ANKRD31: variants seen among roughly 807,000 people sequenced by gnomAD.
ANKRD31 encodes ankyrin repeat domain 31, also known as ankyrin repeat domain-containing protein 31.
In ANKRD31, 147 loss-of-function variants were observed where a neutral mutation model predicts 186.0. The ratio of observed to expected loss-of-function variants is 0.79; its 90% CI spans 0.69 to 0.91. ANKRD31 has a LOEUF of 0.91. ANKRD31 is among the 40% of genes least tolerant of loss of function. ANKRD31 has a pLI of 0.00. For missense variants in ANKRD31, 1,986 were observed against 2,148.8 expected, an observed-to-expected ratio of 0.92 and a Z score of 1.50; for synonymous variants, 673 against 736.4, an observed-to-expected ratio of 0.91 and a Z score of 1.39.
At chr5:75,078,382 C>T (rs963389156) in intron 25 of ANKRD31, among the ~76,000 whole-genome samples, 1 of 152,136 alleles carries the variant, frequency 6.6e-6, no homozygotes, top group South Asian at 2.1e-4. Flanking sequence ...AACAGATTAT[C>T]AGTAGGACCG....
At chr5:75,122,586 AC>A (rs965638386) in intron 17 of ANKRD31, among the ~76,000 whole-genome samples, 1 of 152,170 alleles carries the variant, frequency 6.6e-6, no homozygotes, top group Admixed American at 6.5e-5. Context: ...ACACACCATG[AC>A]CAAGTGGGTT....
chr5:75,182,491 G>A (rs1580506113), intron 10 of ANKRD31, among the ~76,000 whole-genome samples: 2 of 152,090 alleles, frequency 1.3e-5, no homozygotes, highest in Non-Finnish European at 2.9e-5. Flanking sequence ...GGCCGAGAAA[G>A]GCAGATCACC....
chr5:75,097,035 A>G (rs941567679), intron 22 of ANKRD31, among the ~76,000 whole-genome samples: 1 of 152,174 alleles, frequency 6.6e-6, no homozygotes, highest in Admixed American at 6.5e-5. Flanking sequence ...TATATGTGCC[A>G]TATTTTCTTA....
chr5:75,072,391 C>T (rs1263100264), intron 25 of ANKRD31, among the ~76,000 whole-genome samples: 1 of 151,844 alleles, frequency 6.6e-6, no homozygotes, highest in Non-Finnish European at 1.5e-5. Flanking sequence ...ATTCCTAATG[C>T]CTAGAATGCA....
intron 24 of ANKRD31, 37 bp downstream of exon 24, chr5:75,084,235 T>C: frequency 6.9e-7 from 1 of 1,443,544 alleles, no homozygotes; most frequent in East Asian, 2.5e-5. Flanking sequence ...TGGTGTTTTA[T>C]CCCACAACGA....
intron 9 of ANKRD31, among the ~76,000 whole-genome samples, chr5:75,190,897 C>A (rs142017147): frequency 2.0e-5 from 3 of 151,850 alleles, no homozygotes; most frequent in South Asian, 2.1e-4. Flanking sequence ...TGCAATTAAA[C>A]CCTTGTCAAA....
chr5:75,121,350 C>T (rs1183523976), intron 17 of ANKRD31, among the ~76,000 whole-genome samples: 1 of 152,058 alleles, frequency 6.6e-6, no homozygotes, highest in Non-Finnish European at 1.5e-5. Context: ...GATAGCAATA[C>T]AATAATACTG....
At chr5:75,226,094 C>T (rs914925460) in intron 2 of ANKRD31, among the ~76,000 whole-genome samples, 15 of 152,136 alleles carry the variant, frequency 9.9e-5, no homozygotes, top group Non-Finnish European at 1.3e-4. Flanking sequence ...CGGGAAGGAA[C>T]GGTGGGAAGG....
intron 12 of ANKRD31, among the ~76,000 whole-genome samples, chr5:75,151,529 C>T (rs892315586): frequency 3.3e-5 from 5 of 151,958 alleles, no homozygotes; most frequent in East Asian, 1.9e-4. Context: ...TGAAGAAGGA[C>T]GTGTTTGTTT....
chr5:75,216,086 T>C (rs1326158058), intron 3 of ANKRD31, among the ~76,000 whole-genome samples: 1 of 152,136 alleles, frequency 6.6e-6, no homozygotes, highest in Non-Finnish European at 1.5e-5. Flanking sequence ...CCAATGAAAG[T>C]TTTTTAAAAA....
At chr5:75,134,237 GA>G (rs879149261) in intron 17 of ANKRD31, among the ~76,000 whole-genome samples, 1 of 151,844 alleles carries the variant, frequency 6.6e-6, no homozygotes, top group African/African-American at 2.4e-5. Flanking sequence ...CTGGTTTTTT[GA>G]AAGCATCAAC....
intron 8 of ANKRD31, 28 bp from the exon 9 acceptor site, chr5:75,192,804 GCTATA>G: frequency 6.9e-7 from 1 of 1,451,828 alleles, no homozygotes; most frequent in Non-Finnish European, 9.2e-7. Context: ...TTTTTAAATG[GCTATA>G]ACGGTTTTTG....
chr5:75,203,801 C>T (rs1755976440), intron 5 of ANKRD31, among the ~76,000 whole-genome samples: 1 of 152,090 alleles, frequency 6.6e-6, no homozygotes, highest in Non-Finnish European at 1.5e-5. Flanking sequence ...CACAAAAAGA[C>T]TTCAACCTCT....
chr5:75,077,614 AC>A (rs1248918449), intron 25 of ANKRD31, among the ~76,000 whole-genome samples: 60 of 152,052 alleles, frequency 3.9e-4, no homozygotes, highest in Middle Eastern at 3.4e-3. Flanking sequence ...ACAAAAACGA[AC>A]CCTGAAATTC....
chr5:75,145,420 A>C (rs1418996630), intron 14 of ANKRD31, among the ~76,000 whole-genome samples: 1 of 152,156 alleles, frequency 6.6e-6, no homozygotes, highest in Non-Finnish European at 1.5e-5. Flanking sequence ...AAAAGGGATG[A>C]GTTCATGTCC....
intron 2 of ANKRD31, among the ~76,000 whole-genome samples, chr5:75,224,164 T>G (rs1193146549): frequency 9.4e-6 from 1 of 106,074 alleles, no homozygotes; most frequent in Admixed American, 8.8e-5. Context: ...TATATATGTA[T>G]ATATATATAT....
At chr5:75,216,849 A>G (rs1756989892) in intron 3 of ANKRD31, among the ~76,000 whole-genome samples, 1 of 152,046 alleles carries the variant, frequency 6.6e-6, no homozygotes, top group African/African-American at 2.4e-5. Flanking sequence ...TAACTTTTTG[A>G]TGTGGGTGTT....
intron 2 of ANKRD31, among the ~76,000 whole-genome samples, chr5:75,224,554 G>C (rs112629182): frequency 1.8e-3 from 273 of 152,098 alleles, no homozygotes; most frequent in African/African-American, 5.7e-3. Flanking sequence ...GGGGCAACAA[G>C]ATGGATTATT....
intron 17 of ANKRD31, among the ~76,000 whole-genome samples, chr5:75,130,860 T>C (rs1009259850): frequency 6.6e-6 from 1 of 152,208 alleles, no homozygotes; most frequent in Non-Finnish European, 1.5e-5. Context: ...CACCTCTCAC[T>C]GGCACTCACC....
Sources: gnomAD v4.1 joint callset for allele counts (sites outside exome capture counted in the v4.1 genomes callset) on GRCh38, gnomAD v4.1.1 for gene constraint, MANE v1.5 for transcripts, NCBI Gene and HGNC (gene_info 2026-07-23, HGNC 2026-07-21) for gene names.